The following FAT3 variants were observed in gnomAD, a reference collection of about 807,000 sequenced individuals.
The protein encoded by FAT3 is protocadherin Fat 3.
Under a neutral mutation model 310.2 loss-of-function variants are expected in FAT3, and 95 were observed. The observed-to-expected ratio is 0.31, with a 90% CI of 0.26 to 0.36. The LOEUF (loss-of-function observed/expected upper bound fraction) is 0.36, where lower values mean the gene tolerates loss of function less well. Among genes scored for constraint, FAT3 ranks in the 10% least tolerant of loss-of-function variants. The probability of loss-of-function intolerance (pLI) is 1.00; values close to 1 mark genes in which losing one functional copy is unlikely to be tolerated. For synonymous variants in FAT3, 2,314 were observed against 2,192.9 expected, an observed-to-expected ratio of 1.06 and a Z score of -1.54; for missense variants, 5,408 against 5,715.6, an observed-to-expected ratio of 0.95 and a Z score of 1.74.
chr11:92,800,196 A>G lies in FAT3; in HGVS notation c.7183A>G (p.Asn2395Asp). The G allele has an allele frequency of 6.2e-7, 1 of 1,613,988 alleles. No individual in the cohort carries two copies. The stretch of plus-strand genomic sequence containing the variant: ...TGTAAATGACAACCCTCCAGTTTTT[A>G]ATCAGCTCATTTATGAGTCATATGT... ...SDVNDNPPVF[N>D]QLIYESYVSE... is the part of the protein sequence containing the mutation. Residue 2395 changes from asparagine to aspartate, a missense_variant, in exon 10 of 28, where the codon AAT (asparagine) becomes GAT (aspartate). This residue lies in a region of FAT3 where 4,588 missense variants were observed against 4,809.8 expected (regional missense o/e 0.95). Transcript: ENST00000525166.
At chr11:92,274,282 C>T (rs1438284254) in intron 1 of FAT3, among the ~76,000 whole-genome samples, 1 of 151,784 alleles carries the variant, frequency 6.6e-6, no homozygotes, top group African/African-American at 2.4e-5. Context: ...ACAAATAAAC[C>T]CCTACTTACT....
chr11:92,314,458 G>A (rs1418144390), intron 1 of FAT3: 1 of 184,396 alleles, frequency 5.4e-6, no homozygotes, highest in Non-Finnish European at 1.0e-5. Flanking sequence ...CAGTAGAGGG[G>A]TAAGTATATA....
chr11:92,754,334 GA>G (rs1242961994), intron 4 of FAT3, among the ~76,000 whole-genome samples: 1 of 151,838 alleles, frequency 6.6e-6, no homozygotes, highest in Non-Finnish European at 1.5e-5. Flanking sequence ...CCTTTAAAAA[GA>G]AGGAAATCGG....
chr11:92,859,189 G>C lies in FAT3; in HGVS notation c.11525G>C (p.Gly3842Ala), dbSNP rs746711467. 2 of 1,613,534 alleles carry C rather than the reference G, an allele frequency of 1.2e-6. No individual in the cohort carries two copies. Among genetic ancestry groups the C allele is most frequent in the Non-Finnish European group, 1.7e-6 (2 of 1,179,842 alleles). Residue 3842 changes from glycine (G) to alanine (A), a missense_variant, in exon 21 of 28, where the codon GGA becomes GCA. By Grantham distance (60) the Gly-to-Ala change is moderately conservative (BLOSUM62 0). This residue lies in a region of FAT3 where 4,588 missense variants were observed against 4,809.8 expected (regional missense o/e 0.95). Transcript: ENST00000525166. ...GGGCACACTTCTCTCAGCTTTGCTGGAAACAGTTACATCAAATATCGGCTT... is the reference window on the plus strand; with the variant it reads ...GGGCACACTTCTCTCAGCTTTGCTGCAAACAGTTACATCAAATATCGGCTT... ...CSGHTSLSFA[G>A]NSYIKYRLSE...
chr11:92,355,167 G>T lies in FAT3; in HGVS notation c.3055G>T (p.Val1019Phe), dbSNP rs1565252984. The T allele has an allele frequency of 1.2e-6, 2 of 1,613,806 alleles. No individual in the cohort carries two copies. The highest frequency in any genetic ancestry group is 1.3e-5 in the African/African-American group (1 of 75,042). ...GCGGGCCAAAGACAAAGGGCGGCCTGTCTCTCTGTCATCTGTTTCCTTTGT... is the reference window on the plus strand; with the variant it reads ...GCGGGCCAAAGACAAAGGGCGGCCTTTCTCTCTGTCATCTGTTTCCTTTGT... Reference protein sequence around the residue: ...TVRAKDKGRPVSLSSVSFVEV... With the variant: ...TVRAKDKGRPFSLSSVSFVEV... The change falls in exon 2 of 28, where the codon GTC becomes TTC. Residue 1019 changes from valine to phenylalanine, a missense_variant. This residue lies in a region of FAT3 where 4,588 missense variants were observed against 4,809.8 expected (regional missense o/e 0.95). Transcript: ENST00000525166.
At chr11:92,251,497 G>C in intron 1 of FAT3, among the ~76,000 whole-genome samples, 1 of 152,088 alleles carries the variant, frequency 6.6e-6, no homozygotes, top group South Asian at 2.1e-4. Flanking sequence ...ATTGCCTCAT[G>C]ATGATCTGAT....
chr11:92,648,609 C>T (rs1942250954), intron 3 of FAT3, among the ~76,000 whole-genome samples: 1 of 152,310 alleles, frequency 6.6e-6, no homozygotes, highest in South Asian at 2.1e-4. Flanking sequence ...TTCTGTCATT[C>T]GTTTTCTGCC....
At chr11:92,500,801 A>G (rs1952916113) in intron 2 of FAT3, among the ~76,000 whole-genome samples, 1 of 152,050 alleles carries the variant, frequency 6.6e-6, no homozygotes, top group African/African-American at 2.4e-5. Context: ...TGAGGTGCCT[A>G]GGGCTGCTGT....
intron 19 of FAT3, among the ~76,000 whole-genome samples, chr11:92,856,982 C>T (rs536854695): frequency 6.6e-6 from 1 of 152,144 alleles, no homozygotes; most frequent in African/African-American, 2.4e-5. Context: ...TAATCTGCAC[C>T]AGTCTGGCAG....
At chr11:92,405,459 T>C (rs535928490) in intron 2 of FAT3, among the ~76,000 whole-genome samples, 10 of 152,354 alleles carry the variant, frequency 6.6e-5, no homozygotes, top group Admixed American at 5.9e-4. Flanking sequence ...AAGGATGGCA[T>C]TCAAACAAGG....
Position 92,831,944 on chromosome 11 carries a change from T to C in FAT3, c.9804T>C (p.Asn3268=). The C allele has an allele frequency of 2.5e-6, 4 of 1,594,828 alleles. No individual in the cohort carries two copies. Among genetic ancestry groups the C allele is most frequent in the Non-Finnish European group, 3.4e-6 (4 of 1,170,216 alleles). ...VFATSKDIGT[N]AEITYLIRSG... ...CCACCAGCAAAGATATTGGCACAAA[T>C]GCTGAGATCACTTATCTCATCCGGT... The change falls in exon 14 of 28, where the codon AAT becomes AAC. Residue 3268 remains asparagine (N), a synonymous_variant. Transcript: ENST00000525166.
In FAT3 at chr11:92,551,406, T is replaced by TTTTTG. The variant is rs1555081150; in HGVS notation, c.3607+26465_3607+26469dup. ...CCTAGGTGATCTTGGTCCCATGTTT[T>TTTTTG]TTTTGTTTTGTGTGTGTGTGTGTGT... On this transcript the variant is annotated intron_variant, in intron 3 of 27. Transcript: ENST00000525166. Among the ~76,000 whole-genome samples, 68 of 125,454 alleles carry TTTTTG rather than the reference T, an allele frequency of 5.4e-4. 1 individual carries two copies. The East Asian group carries it at 9.5e-3, about 17-fold the overall frequency. 82.3% of individuals were successfully genotyped at this position (125,454 alleles called of 152,430 possible). A position where few individuals can be genotyped will look rare whatever the true frequency, so the allele number is the denominator to read the frequency against.
At position 92,376,859 on chromosome 11, in the gene FAT3, G is replaced by A. The variant is rs145742884; in HGVS notation, c.3292+21455G>A. On this transcript the variant is annotated intron_variant, in intron 2 of 27. Transcript: ENST00000525166. ...TGTACTGAGAAATGCAGAAAATATTGAGCAAGACGCTGCTGAATTTCCATG... is the reference window on the plus strand; with the variant it reads ...TGTACTGAGAAATGCAGAAAATATTAAGCAAGACGCTGCTGAATTTCCATG... Among the ~76,000 whole-genome samples the A allele has an allele frequency of 5.3e-4, 80 of 152,290 alleles. 1 individual carries two copies. In the East Asian group the frequency reaches 0.013, roughly 24 times the overall value.
intron 2 of FAT3, among the ~76,000 whole-genome samples, chr11:92,469,427 G>A (rs1287660873): frequency 2.6e-5 from 4 of 152,078 alleles, no homozygotes; most frequent in African/African-American, 9.7e-5. Context: ...GCTACATTAA[G>A]ATATTAATTG....
intron 21 of FAT3, among the ~76,000 whole-genome samples, chr11:92,866,088 T>C (rs930190569): frequency 2.6e-5 from 4 of 152,236 alleles, no homozygotes; most frequent in Non-Finnish European, 4.4e-5. Flanking sequence ...GTGTTTAATA[T>C]AGAGCAGCTT....
chr11:92,308,643 C>T (rs1947203874), intron 1 of FAT3, among the ~76,000 whole-genome samples: 2 of 152,036 alleles, frequency 1.3e-5, no homozygotes, highest in African/African-American at 4.8e-5. Flanking sequence ...GTGAGTTAAG[C>T]CCAGAAAACC....
At chr11:92,567,372 A>G (rs1413606567) in intron 3 of FAT3, among the ~76,000 whole-genome samples, 5 of 151,000 alleles carry the variant, frequency 3.3e-5, no homozygotes, top group Non-Finnish European at 5.9e-5. Context: ...CAATCATTAA[A>G]AAGTCAGGAA....
chr11:92,532,426 A>G (rs1472787119), intron 3 of FAT3, among the ~76,000 whole-genome samples: 2 of 152,100 alleles, frequency 1.3e-5, no homozygotes, highest in Non-Finnish European at 1.5e-5. Flanking sequence ...ATGTTTTTCT[A>G]TTGTTAACCC....
chr11:92,656,523 A>G (rs1435526223), intron 3 of FAT3, among the ~76,000 whole-genome samples: 2 of 152,232 alleles, frequency 1.3e-5, no homozygotes, highest in Non-Finnish European at 2.9e-5. Context: ...TGGCACAACC[A>G]AACCACCAGA....
Sources: allele counts gnomAD v4.1 joint callset (sites outside exome capture counted in the v4.1 genomes callset), GRCh38; gene constraint gnomAD v4.1.1; regional missense constraint gnomAD v4.1.1; transcripts MANE v1.5; gene names NCBI Gene and HGNC (gene_info 2026-07-23, HGNC 2026-07-21).